PGRMC2: variants seen among roughly 807,000 people sequenced by gnomAD.
PGRMC2 encodes the protein membrane-associated progesterone receptor component 2.
In PGRMC2, 9 loss-of-function variants were observed where a neutral mutation model predicts 19.3. The observed-to-expected ratio is 0.47, with a 90% CI of 0.28 to 0.81. The LOEUF (loss-of-function observed/expected upper bound fraction) is 0.81, where lower values mean the gene tolerates loss of function less well. PGRMC2 is among the 40% of genes least tolerant of loss of function. PGRMC2 has a pLI of 0.11. For missense variants in PGRMC2, 289 were observed against 297.3 expected (o/e 0.97, Z 0.21); for synonymous variants, 157 against 124.6 (o/e 1.26, Z -1.73).
At position 128,277,522 on chromosome 4, in the gene PGRMC2, C is replaced by T. The variant is rs564139891; in HGVS notation, c.419-5005G>A. Reference sequence around the variant, plus strand: ...TTTCTAAAGGGATATTTTAATTATTCTCACAGTTTAAAAACCATATCTCTC... The same window carrying T: ...TTTCTAAAGGGATATTTTAATTATTTTCACAGTTTAAAAACCATATCTCTC... On this transcript the variant is annotated intron_variant, in intron 1 of 2. Coordinates refer to ENST00000296425, the MANE Select transcript of PGRMC2 (RefSeq NM_006320.6). 7.2e-5 allele frequency among the ~76,000 whole-genome samples: 11 copies of T among 152,198 alleles called. No homozygotes were observed. The South Asian group carries it at 2.1e-3, about 29-fold the overall frequency.
At chr4:128,277,345 T>C (rs1760829019) in intron 1 of PGRMC2, among the ~76,000 whole-genome samples, 1 of 152,330 alleles carries the variant, frequency 6.6e-6, no homozygotes, top group Non-Finnish European at 1.5e-5. Context: ...TCAGTTAGAA[T>C]GAGGTGACAT....
intron 1 of PGRMC2, among the ~76,000 whole-genome samples, chr4:128,283,659 ATTT>A (rs35900892): frequency 1.1e-4 from 15 of 134,754 alleles, no homozygotes; most frequent in South Asian, 2.3e-4. Context: ...CCATAAAAGC[ATTT>A]TTTTTTTTTT....
chr4:128,275,913 G>A (rs185644430), intron 1 of PGRMC2, among the ~76,000 whole-genome samples: 1 of 152,162 alleles, frequency 6.6e-6, no homozygotes, highest in Admixed American at 6.5e-5. Context: ...TTTTTGTAGA[G>A]ACAAGGTCTC....
In PGRMC2 at chr4:128,287,812, T is replaced by G. The variant is rs1761014321; in HGVS notation, c.-22A>C. ...CCATCACTGCCCGCCAGCGCCTTCC[T>G]CCTCCTCCCCGCCCCCTGCCCTCCC... On this transcript the variant is annotated 5_prime_UTR_variant, in exon 1 of 3. Coordinates refer to ENST00000296425, the MANE Select transcript of PGRMC2 (RefSeq NM_006320.6). The G allele has an allele frequency of 2.0e-6, 3 of 1,513,534 alleles. No homozygotes were observed. The highest frequency in any genetic ancestry group is 2.7e-6 in the Non-Finnish European group (3 of 1,117,962). 93.8% of individuals were successfully genotyped at this position (1,513,534 alleles called of 1,614,324 possible).
At chr4:128,278,069 G>A (rs189824906) in intron 1 of PGRMC2, among the ~76,000 whole-genome samples, 1 of 152,306 alleles carries the variant, frequency 6.6e-6, no homozygotes, top group Admixed American at 6.5e-5. Flanking sequence ...ACTCCAGGGT[G>A]CATGGGTAGG....
chr4:128,271,871 G>C (rs889101833), intron 2 of PGRMC2, among the ~76,000 whole-genome samples: 1 of 152,174 alleles, frequency 6.6e-6, no homozygotes, highest in Non-Finnish European at 1.5e-5. Flanking sequence ...TCTACATTTC[G>C]AGTGTTAAGA....
chr4:128,284,980 G>A (rs1200908534), intron 1 of PGRMC2, among the ~76,000 whole-genome samples: 1 of 152,160 alleles, frequency 6.6e-6, no homozygotes, highest in East Asian at 1.9e-4. Flanking sequence ...ATCAACTGTA[G>A]AATACTAACT....
rs1285887255 is a variant in PGRMC2 at position 128,272,603 on chromosome 4, A to G, written c.419-86T>C. 4.0e-6 allele frequency: 3 copies of G among 750,996 alleles called. No homozygotes were observed. The African/African-American group carries it at 5.7e-5, about 14-fold the overall frequency. The allele number at this position is 750,996 out of a possible 1,614,324, so 46.5% of individuals were successfully genotyped here. A position where few individuals can be genotyped will look rare whatever the true frequency, so the allele number is the denominator to read the frequency against. ...AAAAAGTAAAAAAAAAAAAAAAAAAACACAACAAAGAAAAAAACCCCTCAT... is the reference window on the plus strand; with the variant it reads ...AAAAAGTAAAAAAAAAAAAAAAAAAGCACAACAAAGAAAAAAACCCCTCAT... On this transcript the variant is annotated intron_variant, in intron 1 of 2. Coordinates refer to ENST00000296425, the MANE Select transcript of PGRMC2 (RefSeq NM_006320.6).
intron 1 of PGRMC2, 94 bp downstream of exon 1, chr4:128,287,279 G>A: frequency 7.0e-7 from 1 of 1,423,394 alleles, no homozygotes; most frequent in East Asian, 2.5e-5. Flanking sequence ...CGAGAAGGCT[G>A]GGCAAACTAA....
intron 1 of PGRMC2, 164 bp downstream of exon 1, chr4:128,287,209 T>C: frequency 1.5e-6 from 1 of 655,462 alleles, no homozygotes; most frequent in East Asian, 3.1e-5. Context: ...GGACGGTGTG[T>C]GTGTAGGGGC....
At chr4:128,286,982 A>C in intron 1 of PGRMC2, 1 of 376,702 alleles carries the variant, frequency 2.7e-6, no homozygotes, top group East Asian at 3.9e-5. Flanking sequence ...CTGGTGCCCC[A>C]TCCATCCCAG....
Position 128,270,196 on chromosome 4 carries a change from G to T in PGRMC2, c.*1120C>A, listed in dbSNP as rs1301374369. ...GGTACTTGTATTTACAGTATCTGCA[G>T]AAAGAGTCCCTTCCAAGGCCTCACA... On this transcript the variant is annotated 3_prime_UTR_variant, in exon 3 of 3. Transcript: ENST00000296425. 3 of 152,600 alleles carry T rather than the reference G, an allele frequency of 2.0e-5. No individual in the cohort carries two copies. The highest frequency in any genetic ancestry group is 7.2e-5 in the African/African-American group (3 of 41,420). The allele number at this position is 152,600 out of a possible 1,614,324, so 9.5% of individuals were successfully genotyped here. A position where few individuals can be genotyped will look rare whatever the true frequency, so the allele number is the denominator to read the frequency against.
chr4:128,287,006 C>A, intron 1 of PGRMC2: 2 of 364,582 alleles, frequency 5.5e-6, no homozygotes, highest in Admixed American at 4.6e-5. Context: ...TCAGGAGACT[C>A]AAAAAAGGTT....
intron 1 of PGRMC2, among the ~76,000 whole-genome samples, chr4:128,281,979 C>A (rs1760916165): frequency 6.6e-6 from 1 of 152,176 alleles, no homozygotes; most frequent in Non-Finnish European, 1.5e-5. Flanking sequence ...AAAAGGTAAC[C>A]TTGCTTAGCC....
chr4:128,271,010 AAAG>A lies in PGRMC2; in HGVS notation c.*303_*305del, dbSNP rs1287602990. ...AAGAAAGAAAGAGAAAGAAGAAAGG[AAAG>A]AAGGAAAAAAGGAAGGAAAGAAGTA... On this transcript the variant is annotated 3_prime_UTR_variant, in exon 3 of 3. Transcript: ENST00000296425. 5 of 206,466 alleles carry A rather than the reference AAAG, an allele frequency of 2.4e-5. 1 individual carries two copies. The South Asian group carries it at 7.5e-4, about 31-fold the overall frequency. 12.8% of individuals were successfully genotyped at this position (206,466 alleles called of 1,614,324 possible).
At chr4:128,280,794 T>G (rs1173153206) in intron 1 of PGRMC2, among the ~76,000 whole-genome samples, 1 of 152,162 alleles carries the variant, frequency 6.6e-6, no homozygotes, top group East Asian at 1.9e-4. Context: ...AGACAGAGTC[T>G]CGCCATATTG....
At chr4:128,287,223 A>C in intron 1 of PGRMC2, 150 bp downstream of exon 1, 1 of 784,580 alleles carries the variant, frequency 1.3e-6, no homozygotes, top group Non-Finnish European at 2.0e-6. Flanking sequence ...TAGGGGCGGG[A>C]TGGGCCGTCC....
In PGRMC2 at chr4:128,286,224, C is replaced by T. The variant is rs780242755; in HGVS notation, c.418+1149G>A. On this transcript the variant is annotated intron_variant, in intron 1 of 2. Coordinates refer to ENST00000296425, the MANE Select transcript of PGRMC2 (RefSeq NM_006320.6). ...TCCAATAACAGGTCACTTTAGGTCTCTAATTTAATTATTTATTCTTATTGT... is the reference window on the plus strand; with the variant it reads ...TCCAATAACAGGTCACTTTAGGTCTTTAATTTAATTATTTATTCTTATTGT... Among the ~76,000 whole-genome samples, 5 of 151,940 alleles carry T rather than the reference C, an allele frequency of 3.3e-5. No homozygotes were observed. The East Asian group carries it at 5.8e-4, about 18-fold the overall frequency.
Position 128,287,353 on chromosome 4 carries a change from C to T in PGRMC2, c.418+20G>A. 1 of 1,581,556 alleles carries T rather than the reference C, an allele frequency of 6.3e-7. No homozygotes were observed. Among genetic ancestry groups the T allele is most frequent in the East Asian group, 2.3e-5 (1 of 43,740 alleles). On this transcript the variant is annotated intron_variant, in intron 1 of 2. Coordinates refer to ENST00000296425, the MANE Select transcript of PGRMC2 (RefSeq NM_006320.6). ...GCTTCAGCTGCAGGGGGTCCTTCCC[C>T]TCCCCTTCCAACTCCTCACCCGGGC...
Sources: allele counts gnomAD v4.1 joint callset (sites outside exome capture counted in the v4.1 genomes callset), GRCh38; gene constraint gnomAD v4.1.1; transcripts MANE v1.5; gene names NCBI Gene and HGNC (gene_info 2026-07-23, HGNC 2026-07-21).